SLC24A2: variants seen among roughly 807,000 people sequenced by gnomAD.
SLC24A2 encodes solute carrier family 24 member 2.
A neutral mutation model predicts 62.0 loss-of-function variants in SLC24A2; 36 were observed. The observed-to-expected ratio is 0.58, with a 90% CI of 0.44 to 0.77. The LOEUF is 0.77. Ranked by LOEUF, SLC24A2 falls within the 30% of genes least tolerant of loss-of-function variation. The probability of loss-of-function intolerance (pLI) is 0.00; values close to 1 mark genes in which losing one functional copy is unlikely to be tolerated. For missense variants in SLC24A2, 846 were observed against 817.9 expected, an observed-to-expected ratio of 1.03 and a Z score of -0.42; for synonymous variants, 358 against 294.0, an observed-to-expected ratio of 1.22 and a Z score of -2.23.
the SLC24A2 span, among the ~76,000 whole-genome samples, chr9:20,100,758 A>C: frequency 6.6e-6 from 1 of 152,210 alleles, no homozygotes; most frequent in African/African-American, 2.4e-5. Context: ...TTCATTTCAC[A>C]GTATTTATTT....
chr9:20,198,242 T>C, the SLC24A2 span, among the ~76,000 whole-genome samples: 1 of 152,260 alleles, frequency 6.6e-6, no homozygotes, highest in South Asian at 2.1e-4. Flanking sequence ...CACTTTTCTT[T>C]TTTCTTGTTT....
At chr9:19,701,639 T>A (rs1253225298) in intron 2 of SLC24A2, among the ~76,000 whole-genome samples, 1 of 152,230 alleles carries the variant, frequency 6.6e-6, no homozygotes, top group African/African-American at 2.4e-5. Context: ...AGTACACTAT[T>A]GCTTTGCAGG....
chr9:19,704,645 A>AACAACTC (rs765641806), intron 2 of SLC24A2, among the ~76,000 whole-genome samples: 4 of 152,354 alleles, frequency 2.6e-5, no homozygotes, highest in African/African-American at 4.8e-5. Context: ...ACTGGAAGAA[A>AACAACTC]ACAACTCACA....
chr9:19,798,516 G>A, the SLC24A2 span, among the ~76,000 whole-genome samples: 1 of 151,870 alleles, frequency 6.6e-6, no homozygotes, highest in African/African-American at 2.4e-5. Context: ...TACAAAGAGG[G>A]CCTATGAGTG....
intron 7 of SLC24A2, among the ~76,000 whole-genome samples, chr9:19,550,572 A>C (rs922118860): frequency 6.6e-6 from 1 of 152,252 alleles, no homozygotes; most frequent in African/African-American, 2.4e-5. Flanking sequence ...CGAGCTTCTT[A>C]TAACAAACTA....
At position 19,728,564 on chromosome 9, in the gene SLC24A2, G is replaced by C. The variant is rs118023196; in HGVS notation, c.930+57373C>G. Among the ~76,000 whole-genome samples, 174 of 152,232 alleles carry C rather than the reference G, an allele frequency of 1.1e-3. 3 individuals are homozygous for C. In the East Asian group the frequency reaches 0.031, roughly 27 times the overall value. Reference sequence around the variant, plus strand: ...AAAATCTTAACCTGTCACACCTGTAGTGATTATAGAAGGGTCTCAACTCTG... The same window carrying C: ...AAAATCTTAACCTGTCACACCTGTACTGATTATAGAAGGGTCTCAACTCTG... On this transcript the variant is annotated intron_variant, in intron 2 of 10. Transcript: ENST00000341998.
At chr9:19,517,608 G>A (rs1406796764) in intron 10 of SLC24A2, among the ~76,000 whole-genome samples, 1 of 152,162 alleles carries the variant, frequency 6.6e-6, no homozygotes, top group East Asian at 1.9e-4. Flanking sequence ...AGTGATTGAT[G>A]TGACTGCCTT....
chr9:20,247,047 C>T, the SLC24A2 span, among the ~76,000 whole-genome samples: 1 of 152,096 alleles, frequency 6.6e-6, no homozygotes, highest in Non-Finnish European at 1.5e-5. Context: ...CATGTGAGAC[C>T]ACTTATATCT....
chr9:20,059,636 T>C, the SLC24A2 span, among the ~76,000 whole-genome samples: 1 of 152,232 alleles, frequency 6.6e-6, no homozygotes, highest in East Asian at 1.9e-4. Flanking sequence ...ACTTAGGAGA[T>C]GCAGTAAACA....
intron 2 of SLC24A2, among the ~76,000 whole-genome samples, chr9:19,780,859 C>A (rs1310429394): frequency 6.8e-4 from 82 of 120,728 alleles, no homozygotes; most frequent in Admixed American, 1.3e-3. Flanking sequence ...GGCGACAAAG[C>A]GAGACTCCGT....
At chr9:19,681,876 C>G (rs777649839) in intron 2 of SLC24A2, among the ~76,000 whole-genome samples, 2 of 152,092 alleles carry the variant, frequency 1.3e-5, no homozygotes, top group Non-Finnish European at 2.9e-5. Flanking sequence ...TTCAATTAAC[C>G]TTTATCTAAG....
intron 7 of SLC24A2, among the ~76,000 whole-genome samples, chr9:19,552,130 A>G (rs1263465080): frequency 2.0e-5 from 3 of 152,192 alleles, no homozygotes; most frequent in Non-Finnish European, 4.4e-5. Context: ...TGCAATTCAC[A>G]TATTATTCCA....
chr9:20,178,926 AC>A, the SLC24A2 span, among the ~76,000 whole-genome samples: 3 of 152,156 alleles, frequency 2.0e-5, no homozygotes, highest in Non-Finnish European at 4.4e-5. Context: ...TGAGCACCAT[AC>A]TACTATGACT....
chr9:19,812,731 T>A, the SLC24A2 span, among the ~76,000 whole-genome samples: 1 of 152,108 alleles, frequency 6.6e-6, no homozygotes, highest in Non-Finnish European at 1.5e-5. Context: ...AAATATTGTT[T>A]ATTACTAGAT....
At chr9:19,734,448 TG>T (rs1261882200) in intron 2 of SLC24A2, among the ~76,000 whole-genome samples, 8 of 152,206 alleles carry the variant, frequency 5.3e-5, no homozygotes, top group African/African-American at 1.9e-4. Flanking sequence ...TTGATGGGGA[TG>T]GCATTGAATC....
At chr9:20,205,745 G>A in the SLC24A2 span, among the ~76,000 whole-genome samples, 4 of 149,910 alleles carry the variant, frequency 2.7e-5, no homozygotes, top group Middle Eastern at 3.6e-3. Context: ...GAAGATGACC[G>A]AAGTGAGACT....
At chr9:19,915,504 A>G in the SLC24A2 span, among the ~76,000 whole-genome samples, 1 of 152,114 alleles carries the variant, frequency 6.6e-6, no homozygotes, top group African/African-American at 2.4e-5. Context: ...GGGATTGCCA[A>G]ACTTTTTCCA....
the SLC24A2 span, among the ~76,000 whole-genome samples, chr9:20,208,205 G>C: frequency 2.6e-5 from 4 of 152,182 alleles, no homozygotes; most frequent in Non-Finnish European, 5.9e-5. Context: ...TAACCACAGG[G>C]AAAATGCTGA....
At chr9:20,075,509 T>C in the SLC24A2 span, among the ~76,000 whole-genome samples, 1 of 152,160 alleles carries the variant, frequency 6.6e-6, no homozygotes, top group Non-Finnish European at 1.5e-5. Context: ...TGTTAGACTG[T>C]AGGGTGACCC....
Sources: gnomAD v4.1 joint callset for allele counts (sites outside exome capture counted in the v4.1 genomes callset) on GRCh38, gnomAD v4.1.1 for gene constraint, MANE v1.5 for transcripts, NCBI Gene and HGNC (gene_info 2026-07-23, HGNC 2026-07-21) for gene names.